Variants in ZRANB1 observed in about 807,000 individuals in gnomAD.
ZRANB1 encodes the protein zinc finger RANBP2-type containing 1.
Under a neutral mutation model 80.5 loss-of-function variants are expected in ZRANB1, and 16 were observed. The observed-to-expected ratio is 0.20, with a 90% CI of 0.13 to 0.30. The LOEUF is 0.30. Ranked by LOEUF, ZRANB1 falls within the 10% of genes least tolerant of loss-of-function variation. The pLI, the probability that ZRANB1 is intolerant of heterozygous loss-of-function variation, is 1.00. For synonymous variants in ZRANB1, 291 were observed against 293.1 expected (o/e 0.99, Z 0.07); for missense variants, 576 against 862.6 (o/e 0.67, Z 4.16).
intron 1 of ZRANB1, among the ~76,000 whole-genome samples, chr10:124,960,905 C>T (rs894985156): frequency 6.6e-6 from 1 of 152,068 alleles, no homozygotes; most frequent in African/African-American, 2.4e-5. Flanking sequence ...GTCAGAAAAA[C>T]CTTTGGATGT....
chr10:124,950,962 G>A (rs1245055857), intron 1 of ZRANB1, among the ~76,000 whole-genome samples: 2 of 152,122 alleles, frequency 1.3e-5, no homozygotes, highest in Non-Finnish European at 2.9e-5. Flanking sequence ...GACAGAGCAA[G>A]ACCATGTCTT....
chr10:124,938,163 A>C (rs150342351), upstream of ZRANB1, among the ~76,000 whole-genome samples: 26 of 152,282 alleles, frequency 1.7e-4, no homozygotes, highest in African/African-American at 6.0e-4. Context: ...CTTTGGAAAT[A>C]ATTTTATGTA....
chr10:124,942,386 T>A lies in ZRANB1; in HGVS notation c.-108T>A. On this transcript the variant is annotated 5_prime_UTR_variant, in exon 1 of 9. The change creates a premature stop within an existing upstream ORF in the 5' untranslated region. Coordinates refer to ENST00000359653, the MANE Select transcript of ZRANB1 (RefSeq NM_017580.3). ...TTTATATTTTGTAGGTTGAAGGACT[T>A]GCTTTTTGGGCAGCGTATTTTTGGA... is the stretch of plus-strand genomic sequence containing the variant. 1 of 1,514,762 alleles carries A rather than the reference T, an allele frequency of 6.6e-7. No individual in the cohort carries two copies. Among genetic ancestry groups the A allele is most frequent in the African/African-American group, 1.4e-5 (1 of 71,258 alleles). The allele number at this position is 1,514,762 out of a possible 1,614,324, so 93.8% of individuals were successfully genotyped here. A position where few individuals can be genotyped will look rare whatever the true frequency, so the allele number is the denominator to read the frequency against.
the ZRANB1 span, among the ~76,000 whole-genome samples, chr10:124,929,922 G>A: frequency 7.2e-6 from 1 of 138,010 alleles, no homozygotes; most frequent in Admixed American, 7.9e-5. Context: ...TCCAGCCTGG[G>A]CAACAGAGCG....
the ZRANB1 span, among the ~76,000 whole-genome samples, chr10:124,934,971 A>G: frequency 6.6e-6 from 1 of 152,220 alleles, no homozygotes; most frequent in Non-Finnish European, 1.5e-5. Context: ...CCATGTGAGA[A>G]CAGTATGTTT....
At chr10:124,918,298 C>T in the ZRANB1 span, among the ~76,000 whole-genome samples, 1 of 152,218 alleles carries the variant, frequency 6.6e-6, no homozygotes, top group Non-Finnish European at 1.5e-5. Context: ...TCAAGCGATT[C>T]TCCTGCTTCT....
Position 124,970,833 on chromosome 10 carries a change from GTTTTTTTTTTTTTT to G in ZRANB1, c.1003-1121_1003-1108del, listed in dbSNP as rs34391929. Among the ~76,000 whole-genome samples, 334 of 85,432 alleles carry G rather than the reference GTTTTTTTTTTTTTT, an allele frequency of 3.9e-3. 2 individuals are homozygous for G. Among genetic ancestry groups the G allele is most frequent in the African/African-American group, 0.015 (324 of 21,486 alleles). 56.0% of individuals were successfully genotyped at this position (85,432 alleles called of 152,430 possible). A position where few individuals can be genotyped will look rare whatever the true frequency, so the allele number is the denominator to read the frequency against. The stretch of plus-strand genomic sequence containing the variant: ...GGGTTCCCACGGTATTCTCTTTGGG[GTTTTTTTTTTTTTT>G]TTTTTTTTTTGGCAGAGTCTCTCTC... On this transcript the variant is annotated intron_variant, in intron 2 of 8. Coordinates refer to ENST00000359653, the MANE Select transcript of ZRANB1 (RefSeq NM_017580.3).
chr10:124,942,311 G>A lies in ZRANB1; in HGVS notation c.-183G>A. On this transcript the variant is annotated 5_prime_UTR_variant, in exon 1 of 9. Transcript: ENST00000359653. ...CAGTGTTTCTATGGAAATTAAAAAA[G>A]AAAATTAGGATAATTCAATGTCGAA... The A allele has an allele frequency of 7.1e-7, 1 of 1,410,100 alleles. No homozygotes were observed. The highest frequency in any genetic ancestry group is 9.2e-7 in the Non-Finnish European group (1 of 1,086,964). 87.3% of individuals were successfully genotyped at this position (1,410,100 alleles called of 1,614,324 possible).
intron 1 of ZRANB1, chr10:124,945,397 A>C (rs896021608): frequency 1.4e-5 from 2 of 138,430 alleles, no homozygotes; most frequent in Admixed American, 1.5e-4. Context: ...CCTTTGGAAC[A>C]GTCTTAAAAT....
chr10:124,944,484 T>TGG (rs1951562587), intron 1 of ZRANB1, among the ~76,000 whole-genome samples: 2 of 60,910 alleles, frequency 3.3e-5, no homozygotes, highest in African/African-American at 5.6e-5. Flanking sequence ...TATATATCAT[T>TGG]CCCCCCCCCC....
rs1951955534 is a variant in ZRANB1 at position 124,983,146 on chromosome 10, G to C, written c.1549-29G>C. Reference sequence around the variant, plus strand: ...CAGTTTTCCAGGAGTGGTAATAAATGTTTTAAGTTTTTGTTTTGTTTCGTA... The same window carrying C: ...CAGTTTTCCAGGAGTGGTAATAAATCTTTTAAGTTTTTGTTTTGTTTCGTA... On this transcript the variant is annotated intron_variant, in intron 6 of 8. Coordinates refer to ENST00000359653, the MANE Select transcript of ZRANB1 (RefSeq NM_017580.3). This position sits in a 1 kb window ranked among gnomAD's most constrained non-coding sequence, Gnocchi z 6.2. 1.9e-6 allele frequency: 3 copies of C among 1,594,434 alleles called. No individual in the cohort carries two copies. In the South Asian group the frequency reaches 3.4e-5, roughly 18 times the overall value.
upstream of ZRANB1, among the ~76,000 whole-genome samples, chr10:124,937,183 ATTTTTT>A (rs35095657): frequency 1.1e-5 from 1 of 93,984 alleles, no homozygotes. Context: ...ATTTGTGTGT[ATTTTTT>A]TTTTTTTTTT....
chr10:124,919,028 A>T, the ZRANB1 span, among the ~76,000 whole-genome samples: 1 of 152,142 alleles, frequency 6.6e-6, no homozygotes, highest in African/African-American at 2.4e-5. Flanking sequence ...GGGTGTGATG[A>T]ACTCATTCAT....
intron 6 of ZRANB1, 133 bp downstream of exon 6, chr10:124,981,962 C>A: frequency 1.8e-6 from 2 of 1,123,850 alleles, no homozygotes; most frequent in Non-Finnish European, 1.3e-6. Flanking sequence ...CATCAGTCAA[C>A]TTGGGTTCTA....
At chr10:124,937,771 T>TTAG (rs1476975556), upstream of ZRANB1, among the ~76,000 whole-genome samples, 1 of 152,206 alleles carries the variant, frequency 6.6e-6, no homozygotes, top group African/African-American at 2.4e-5. Context: ...ACTTGTCAAT[T>TTAG]TAGTAGTAGT....
chr10:124,957,600 C>G (rs1218676830), intron 1 of ZRANB1, among the ~76,000 whole-genome samples: 1 of 152,144 alleles, frequency 6.6e-6, no homozygotes, highest in Non-Finnish European at 1.5e-5. Context: ...CATTCTACTT[C>G]CTGTCAATCA....
chr10:124,955,528 G>C (rs116468228), intron 1 of ZRANB1, among the ~76,000 whole-genome samples: 1 of 152,114 alleles, frequency 6.6e-6, no homozygotes, highest in East Asian at 1.9e-4. Context: ...CTAACTTTGC[G>C]TGATACTCTT....
chr10:124,940,552 G>A, upstream of ZRANB1: 1 of 1,288,670 alleles, frequency 7.8e-7, no homozygotes, highest in Non-Finnish European at 1.0e-6. Flanking sequence ...ATCTTAGTAA[G>A]TGTGGTTTTT....
the ZRANB1 span, among the ~76,000 whole-genome samples, chr10:124,926,582 G>C: frequency 1.3e-5 from 2 of 152,020 alleles, no homozygotes; most frequent in Non-Finnish European, 2.9e-5. Context: ...ATGCCTTCTA[G>C]AATACCTCCT....
Sources: gnomAD v4.1 joint callset for allele counts (sites outside exome capture counted in the v4.1 genomes callset) on GRCh38, gnomAD v4.1.1 for gene constraint, Gnocchi (gnomAD v3.1) non-coding constraint, MANE v1.5 for transcripts, NCBI Gene and HGNC (gene_info 2026-07-23, HGNC 2026-07-21) for gene names.